Variants in ZNF43 observed in about 807,000 individuals in gnomAD.
ZNF43 encodes zinc finger protein 39-like 1 (KOX 27).
Under a neutral mutation model 68.4 loss-of-function variants are expected in ZNF43, and 44 were observed. The ratio of observed to expected loss-of-function variants is 0.64; its 90% CI spans 0.51 to 0.83. ZNF43 has a LOEUF of 0.83. Among genes scored for constraint, ZNF43 ranks in the 40% least tolerant of loss-of-function variants. The pLI, the probability that ZNF43 is intolerant of heterozygous loss-of-function variation, is 0.00. For missense variants in ZNF43, 896 were observed against 933.2 expected, an observed-to-expected ratio of 0.96 and a Z score of 0.52; for synonymous variants, 308 against 307.8, an observed-to-expected ratio of 1.00 and a Z score of -0.01.
intron 1 of ZNF43, among the ~76,000 whole-genome samples, chr19:21,830,680 C>CAA (rs201713010): frequency 2.4e-3 from 307 of 126,350 alleles, no homozygotes; most frequent in African/African-American, 7.9e-3. Context: ...ACCAGATGTA[C>CAA]AAAAAAAAAA....
rs928824734 is a variant in ZNF43, at chr19:21,816,001, C to A, written c.229+1887G>T. On this transcript the variant is annotated intron_variant, in intron 3 of 3. Coordinates refer to ENST00000354959, the MANE Select transcript of ZNF43 (RefSeq NM_003423.4). ...AGTTGAAACTGGGAAGTGGAGGTTG[C>A]AATGAGCTGAGACTGTGCCATTGCA... Among the ~76,000 whole-genome samples, 48 of 150,044 alleles carry A rather than the reference C, an allele frequency of 3.2e-4. No homozygotes were observed. The Admixed American group carries it at 3.2e-3, about 10-fold the overall frequency.
At position 21,804,955 on chromosome 19, in the gene ZNF43, G is replaced by C. The variant is rs1008510950; in HGVS notation, c.*2652C>G. ...AAAATATATACCAATGTTTATTCAT[G>C]ACTCAGGAATGTATGGACTTTATTT... is the stretch of plus-strand genomic sequence containing the variant. On this transcript the variant is annotated 3_prime_UTR_variant, in exon 4 of 4. Coordinates refer to ENST00000354959, the MANE Select transcript of ZNF43 (RefSeq NM_003423.4). 2 of 152,140 alleles carry C rather than the reference G, an allele frequency of 1.3e-5. No individual in the cohort carries two copies. Among genetic ancestry groups the C allele is most frequent in the East Asian group, 3.8e-4 (2 of 5,196 alleles). The allele number at this position is 152,140 out of a possible 1,614,324, so 9.4% of individuals were successfully genotyped here.
chr19:21,848,193 G>C (rs1470927499), intron 1 of ZNF43, among the ~76,000 whole-genome samples: 6 of 152,012 alleles, frequency 3.9e-5, no homozygotes, highest in Admixed American at 3.9e-4. Context: ...GCCCAGGCTG[G>C]AGTGCAGTGG....
intron 1 of ZNF43, among the ~76,000 whole-genome samples, chr19:21,822,543 C>T (rs1329672378): frequency 2.6e-5 from 4 of 152,142 alleles, no homozygotes; most frequent in African/African-American, 4.8e-5. Flanking sequence ...CGGTGGCTCA[C>T]GCCTGTAATC....
Position 21,808,489 on chromosome 19 carries a change from G to C in ZNF43, c.1548C>G (p.Gly516=). The C allele has an allele frequency of 1.2e-6, 2 of 1,613,206 alleles. No homozygotes were observed. Among genetic ancestry groups the C allele is most frequent in the South Asian group, 2.2e-5 (2 of 91,066 alleles). ...GCTTTGAGGACCACTTAAAAGCTTT[G>C]CCACATTCTTCACATTTGTAGGGTT... ...EKKPYKCEEC[G]KAFKWSSKLT... is the part of the protein sequence containing the mutation. The change falls in exon 4 of 4, where the codon GGC becomes GGG. Residue 516 remains glycine, a synonymous_variant. Coordinates refer to ENST00000354959, the MANE Select transcript of ZNF43 (RefSeq NM_003423.4).
intron 1 of ZNF43, among the ~76,000 whole-genome samples, chr19:21,832,835 A>G (rs1206796074): frequency 6.6e-6 from 1 of 152,154 alleles, no homozygotes; most frequent in Admixed American, 6.5e-5. Flanking sequence ...ACTGCACTCT[A>G]GTGGGGCAAC....
intron 1 of ZNF43, among the ~76,000 whole-genome samples, chr19:21,850,310 C>A (rs1347729195): frequency 6.8e-6 from 1 of 147,694 alleles, no homozygotes; most frequent in Non-Finnish European, 1.5e-5. Flanking sequence ...CACCTGTAAT[C>A]CCAGCACTTC....
intron 1 of ZNF43, among the ~76,000 whole-genome samples, chr19:21,831,852 G>A (rs1208791888): frequency 6.6e-6 from 1 of 152,064 alleles, no homozygotes; most frequent in Non-Finnish European, 1.5e-5. Flanking sequence ...AGATCTCTAT[G>A]ACAAGAATTT....
At chr19:21,815,903 A>C (rs12710188) in intron 3 of ZNF43, among the ~76,000 whole-genome samples, 25,590 of 151,776 alleles carry the variant, frequency 0.17, 2,480 homozygotes, top group Non-Finnish European at 0.22. Context: ...TACTTAAAAT[A>C]CAAAAAAATT....
intron 1 of ZNF43, among the ~76,000 whole-genome samples, chr19:21,829,463 T>G (rs2038318632): frequency 1.3e-5 from 2 of 152,128 alleles, no homozygotes; most frequent in Admixed American, 1.3e-4. Flanking sequence ...GCTCTTAAAA[T>G]GAGCTTTAAT....
chr19:21,809,675 A>AC lies in ZNF43; in HGVS notation c.361dup (p.Val121GlyfsTer3), dbSNP rs1176556659. Reference sequence around the variant, plus strand: ...TCCTCTGTGCACCTTACACTCATCCACACTTTTATGGTCTTTTTTTAAATG... The same window carrying AC: ...TCCTCTGTGCACCTTACACTCATCCACCACTTTTATGGTCTTTTTTTAAATG... On this transcript the variant is annotated frameshift_variant, in exon 4 of 4. Transcript: ENST00000354959. LOFTEE classifies it high-confidence loss of function. The AC allele has an allele frequency of 1.2e-6, 2 of 1,613,294 alleles. No individual in the cohort carries two copies. The highest frequency in any genetic ancestry group is 1.7e-6 in the Non-Finnish European group (2 of 1,179,832).
chr19:21,835,938 G>A, intron 1 of ZNF43, 98 bp downstream of exon 1: 1 of 1,596,780 alleles, frequency 6.3e-7, no homozygotes, highest in Non-Finnish European at 8.6e-7. Context: ...AGCTGGGCAA[G>A]AACTCCGGCA....
chr19:21,843,464 C>A, intron 1 of ZNF43: 1 of 843,642 alleles, frequency 1.2e-6, no homozygotes, highest in Non-Finnish European at 1.4e-6. Flanking sequence ...ATAACAACCT[C>A]AATCTCTTCT....
In ZNF43 at chr19:21,807,244, ATATTTG is replaced by A; in HGVS notation, c.*357_*362del. ...AAGTAATGGTACTACAACCCTCTTA[ATATTTG>A]TAATGTTTGTCTTCAGAATGAATTA... On this transcript the variant is annotated 3_prime_UTR_variant, in exon 4 of 4. Coordinates refer to ENST00000354959, the MANE Select transcript of ZNF43 (RefSeq NM_003423.4). 1 of 164,848 alleles carries A rather than the reference ATATTTG, an allele frequency of 6.1e-6. No homozygotes were observed. The highest frequency in any genetic ancestry group is 1.7e-4 in the South Asian group (1 of 5,848). The allele number at this position is 164,848 out of a possible 1,614,324, so 10.2% of individuals were successfully genotyped here. A position where few individuals can be genotyped will look rare whatever the true frequency, so the allele number is the denominator to read the frequency against.
chr19:21,828,945 A>T (rs548294660), intron 1 of ZNF43, among the ~76,000 whole-genome samples: 1 of 143,054 alleles, frequency 7.0e-6, no homozygotes, highest in African/African-American at 2.6e-5. Context: ...AGCCAGGAGA[A>T]TGGCGTGAAC....
intron 1 of ZNF43, among the ~76,000 whole-genome samples, chr19:21,832,959 C>A (rs2038494810): frequency 6.6e-6 from 1 of 152,122 alleles, no homozygotes; most frequent in Non-Finnish European, 1.5e-5. Context: ...GCATTAAACT[C>A]AGAAATCAAG....
intron 1 of ZNF43, among the ~76,000 whole-genome samples, chr19:21,832,809 G>A (rs2038485385): frequency 6.6e-6 from 1 of 152,112 alleles, no homozygotes; most frequent in African/African-American, 2.4e-5. Context: ...AGGGTGCAGT[G>A]AGCCGAGATT....
At chr19:21,827,900 A>G (rs1203524015) in intron 1 of ZNF43, among the ~76,000 whole-genome samples, 1 of 152,006 alleles carries the variant, frequency 6.6e-6, no homozygotes, top group Non-Finnish European at 1.5e-5. Flanking sequence ...ACCTCAGGTG[A>G]TCCACCCGCC....
At chr19:21,833,126 C>G (rs899782812) in intron 1 of ZNF43, among the ~76,000 whole-genome samples, 3 of 152,046 alleles carry the variant, frequency 2.0e-5, no homozygotes, top group African/African-American at 7.2e-5. Flanking sequence ...TAGATTTTCC[C>G]TATTCTTTTC....
Sources: allele counts gnomAD v4.1 joint callset (sites outside exome capture counted in the v4.1 genomes callset), GRCh38; gene constraint gnomAD v4.1.1; transcripts MANE v1.5; gene names NCBI Gene and HGNC (gene_info 2026-07-23, HGNC 2026-07-21).